ART3: variants seen among roughly 807,000 people sequenced by gnomAD.
The protein encoded by ART3 is ecto-ADP-ribosyltransferase 3.
In ART3, 49 loss-of-function variants were observed where a neutral mutation model predicts 48.5. That is an observed-to-expected ratio of 1.01 (90% confidence interval 0.80 to 1.28). The LOEUF is 1.28. ART3 is among the 50% of genes most tolerant of loss of function. The pLI is 0.00. For missense variants in ART3, 438 were observed against 454.3 expected (o/e 0.96, Z 0.33); for synonymous variants, 145 against 157.2 (o/e 0.92, Z 0.58).
intron 1 of ART3, among the ~76,000 whole-genome samples, chr4:76,050,958 G>T (rs1736018929): frequency 6.6e-6 from 1 of 152,194 alleles, no homozygotes; most frequent in African/African-American, 2.4e-5. Context: ...CGAGTGCGGG[G>T]CCCGCCAAGC....
At chr4:76,042,868 T>A (rs1735107005) in intron 1 of ART3, among the ~76,000 whole-genome samples, 1 of 152,024 alleles carries the variant, frequency 6.6e-6, no homozygotes, top group Non-Finnish European at 1.5e-5. Flanking sequence ...GGCAGCCTGC[T>A]TTTATTCTCT....
chr4:76,060,607 C>T (rs893385619), intron 1 of ART3, among the ~76,000 whole-genome samples: 1 of 99,828 alleles, frequency 1.0e-5, no homozygotes, highest in African/African-American at 3.9e-5. Flanking sequence ...AAAAGGAACA[C>T]TGGACTTATA....
At chr4:76,030,378 A>G (rs183264579) in intron 1 of ART3, among the ~76,000 whole-genome samples, 48 of 152,240 alleles carry the variant, frequency 3.2e-4, no homozygotes, top group African/African-American at 1.2e-3. Context: ...TTCACATCCA[A>G]TCTATCACTG....
intron 3 of ART3, among the ~76,000 whole-genome samples, chr4:76,090,878 A>G (rs1399679339): frequency 6.6e-6 from 1 of 152,210 alleles, no homozygotes; most frequent in Admixed American, 6.5e-5. Flanking sequence ...CAAAAGTTTC[A>G]TTCCTCTTTG....
chr4:76,085,952 A>T (rs780603688), intron 3 of ART3, among the ~76,000 whole-genome samples: 8 of 152,052 alleles, frequency 5.3e-5, no homozygotes, highest in Non-Finnish European at 1.2e-4. Flanking sequence ...CGTGCCTGTA[A>T]TCACAGCTAC....
At chr4:76,033,294 G>T (rs1220965421) in intron 1 of ART3, among the ~76,000 whole-genome samples, 1 of 152,176 alleles carries the variant, frequency 6.6e-6, no homozygotes, top group Non-Finnish European at 1.5e-5. Flanking sequence ...AGACACTACT[G>T]TAAGACTTTC....
intron 3 of ART3, among the ~76,000 whole-genome samples, chr4:76,095,954 C>T (rs1466742052): frequency 6.6e-6 from 1 of 151,790 alleles, no homozygotes; most frequent in Non-Finnish European, 1.5e-5. Context: ...CAGAGTTTTG[C>T]TCTTGTCACC....
At chr4:76,030,918 A>T (rs1400246700) in intron 1 of ART3, among the ~76,000 whole-genome samples, 1 of 152,032 alleles carries the variant, frequency 6.6e-6, no homozygotes, top group Non-Finnish European at 1.5e-5. Context: ...TGTTGTGTAT[A>T]ATGCTGCTAT....
chr4:76,028,175 A>G (rs1733575413), intron 1 of ART3, among the ~76,000 whole-genome samples: 1 of 91,798 alleles, frequency 1.1e-5, no homozygotes, highest in African/African-American at 4.9e-5. Context: ...ATCATTTAGA[A>G]AAAAAAAATC....
At chr4:76,022,648 A>G (rs753278612) in intron 1 of ART3, 18 of 1,595,300 alleles carry the variant, frequency 1.1e-5, no homozygotes, top group Admixed American at 1.0e-4. Flanking sequence ...TACAGTATAT[A>G]ATTACAACCA....
At chr4:76,025,310 A>C (rs1733278234) in intron 1 of ART3, among the ~76,000 whole-genome samples, 3 of 152,240 alleles carry the variant, frequency 2.0e-5, no homozygotes, top group African/African-American at 7.2e-5. Context: ...GGCCTAGAAA[A>C]GTTCAACATT....
intron 1 of ART3, chr4:76,034,435 T>G: frequency 2.1e-6 from 1 of 483,696 alleles, no homozygotes; most frequent in Non-Finnish European, 3.6e-6. Flanking sequence ...TAGAAGGTTC[T>G]CTAGCCTAGA....
At chr4:76,084,329 A>T (rs1723104234) in intron 3 of ART3, among the ~76,000 whole-genome samples, 2 of 152,082 alleles carry the variant, frequency 1.3e-5, no homozygotes, top group Admixed American at 6.6e-5. Context: ...AGTTTCGGAG[A>T]AATGGTCCAC....
intron 3 of ART3, among the ~76,000 whole-genome samples, chr4:76,087,899 G>A (rs184708266): frequency 1.5e-4 from 23 of 152,274 alleles, no homozygotes; most frequent in Admixed American, 4.6e-4. Flanking sequence ...TGAAATGTTA[G>A]CTGTATAATC....
At chr4:76,015,620 T>C (rs1450026366) in intron 1 of ART3, among the ~76,000 whole-genome samples, 3 of 152,212 alleles carry the variant, frequency 2.0e-5, no homozygotes, top group Admixed American at 1.3e-4. Context: ...TGAGCTTATA[T>C]GTATAAAGGT....
intron 3 of ART3, 59 bp downstream of exon 3, chr4:76,082,594 A>T: frequency 2.1e-6 from 3 of 1,415,462 alleles, no homozygotes; most frequent in South Asian, 1.4e-5. Flanking sequence ...TCTTAGGCTT[A>T]GGGAAAGGTC....
At chr4:76,016,870 A>G (rs1308274120) in intron 1 of ART3, among the ~76,000 whole-genome samples, 1 of 152,110 alleles carries the variant, frequency 6.6e-6, no homozygotes, top group African/African-American at 2.4e-5. Context: ...GACCCATGGG[A>G]TGTACAGACA....
chr4:76,111,729 A>C (rs532658066), intron 11 of ART3, among the ~76,000 whole-genome samples: 15 of 151,740 alleles, frequency 9.9e-5, no homozygotes, highest in Admixed American at 8.5e-4. Flanking sequence ...TTTAGTAGAG[A>C]CGGGGTTTTG....
rs1361884709 is a variant in ART3 at position 76,076,036 on chromosome 4, C to G, written c.69+78C>G. On this transcript the variant is annotated intron_variant, in intron 2 of 11. Transcript: ENST00000355810. ...TTTTTTTTTGAGACGGAGTCTCTCTCTGTCGCCCAGACTGCTGGAGTGCAG... is the reference window on the plus strand; with the variant it reads ...TTTTTTTTTGAGACGGAGTCTCTCTGTGTCGCCCAGACTGCTGGAGTGCAG... 4 of 1,323,684 alleles carry G rather than the reference C, an allele frequency of 3.0e-6. No homozygotes were observed. In the African/African-American group the frequency reaches 4.6e-5, roughly 15 times the overall value. The allele number at this position is 1,323,684 out of a possible 1,614,324, so 82.0% of individuals were successfully genotyped here. A position where few individuals can be genotyped will look rare whatever the true frequency, so the allele number is the denominator to read the frequency against.
Sources: gnomAD v4.1 joint callset for allele counts (sites outside exome capture counted in the v4.1 genomes callset) on GRCh38, gnomAD v4.1.1 for gene constraint, MANE v1.5 for transcripts, NCBI Gene and HGNC (gene_info 2026-07-23, HGNC 2026-07-21) for gene names.